The following LRRC74A variants were observed in gnomAD, a reference collection of about 807,000 sequenced individuals.
LRRC74A encodes leucine-rich repeat-containing protein 74A.
A neutral mutation model predicts 57.9 loss-of-function variants in LRRC74A; 44 were observed. The observed-to-expected ratio is 0.76, with a 90% CI of 0.60 to 0.98. The LOEUF is 0.98. Ranked by LOEUF, LRRC74A falls within the 50% of genes least tolerant of loss-of-function variation. The probability of loss-of-function intolerance (pLI) is 0.00; values close to 1 mark genes in which losing one functional copy is unlikely to be tolerated. For missense variants in LRRC74A, 572 were observed against 574.0 expected (o/e 1.00, Z 0.04); for synonymous variants, 211 against 219.4 (o/e 0.96, Z 0.34).
intron 13 of LRRC74A, among the ~76,000 whole-genome samples, chr14:76,869,507 C>G (rs1036551011): frequency 6.6e-6 from 1 of 151,992 alleles, no homozygotes; most frequent in Admixed American, 6.6e-5. Flanking sequence ...AATCCCAGCA[C>G]TTTGGGAGGC....
In LRRC74A at chr14:76,826,754, C is replaced by G; in HGVS notation, c.37+20C>G. On this transcript the variant is annotated intron_variant, in intron 1 of 13. Transcript: ENST00000689127. ...CAGAAGGTGAAAGGGCATCCCATCT[C>G]TCACCACTCAGGCCCGTCCCTGCTG... 1 of 1,467,832 alleles carries G rather than the reference C, an allele frequency of 6.8e-7. No individual in the cohort carries two copies. The highest frequency in any genetic ancestry group is 1.4e-5 in the African/African-American group (1 of 71,418). 90.9% of individuals were successfully genotyped at this position (1,467,832 alleles called of 1,614,324 possible).
chr14:76,833,702 C>G (rs774848083), intron 3 of LRRC74A, among the ~76,000 whole-genome samples: 1 of 152,080 alleles, frequency 6.6e-6, no homozygotes, highest in Non-Finnish European at 1.5e-5. Flanking sequence ...CTTGGCCTCT[C>G]AAAGTGCTGG....
chr14:76,867,668 C>G (rs559831111), intron 13 of LRRC74A, among the ~76,000 whole-genome samples: 2 of 152,290 alleles, frequency 1.3e-5, no homozygotes, highest in East Asian at 3.9e-4. Flanking sequence ...GGGCCGGATG[C>G]TGGGGATGCC....
At chr14:76,863,500 C>G (rs1025968925) in intron 11 of LRRC74A, among the ~76,000 whole-genome samples, 1 of 152,164 alleles carries the variant, frequency 6.6e-6, no homozygotes, top group African/African-American at 2.4e-5. Context: ...CCTACCCGTT[C>G]TCAGGTCTCT....
intron 9 of LRRC74A, among the ~76,000 whole-genome samples, chr14:76,856,881 G>A (rs1397268383): frequency 6.6e-6 from 1 of 151,668 alleles, no homozygotes; most frequent in African/African-American, 2.4e-5. Context: ...ATAGATGGTT[G>A]GGTGGATGAG....
chr14:76,867,222 GT>G, intron 12 of LRRC74A, 133 bp from the exon 13 acceptor site: 1 of 394,218 alleles, frequency 2.5e-6, no homozygotes, highest in African/African-American at 3.3e-5. Flanking sequence ...GTGTGTGTGT[GT>G]GGTAGTGTGT....
chr14:76,869,798 C>T (rs1241290405), intron 13 of LRRC74A, among the ~76,000 whole-genome samples: 2 of 151,826 alleles, frequency 1.3e-5, no homozygotes, highest in African/African-American at 2.4e-5. Context: ...AATTCTAAAC[C>T]CACAGAAGTA....
chr14:76,845,928 G>GAATC (rs1431470872), intron 7 of LRRC74A, among the ~76,000 whole-genome samples: 2 of 152,216 alleles, frequency 1.3e-5, no homozygotes, highest in African/African-American at 4.8e-5. Context: ...TGAGGCAGGA[G>GAATC]AATCACCTGA....
intron 7 of LRRC74A, among the ~76,000 whole-genome samples, chr14:76,848,628 G>A (rs1011747365): frequency 2.0e-5 from 3 of 152,186 alleles, no homozygotes; most frequent in Non-Finnish European, 4.4e-5. Flanking sequence ...AACCACAGAA[G>A]TTCTGCTGGG....
chr14:76,852,308 T>G, intron 7 of LRRC74A, 57 bp from the exon 8 acceptor site: 25 of 1,392,340 alleles, frequency 1.8e-5, no homozygotes, highest in Non-Finnish European at 2.4e-5. Context: ...CTGTTAACTC[T>G]GAGAATGGGT....
intron 13 of LRRC74A, among the ~76,000 whole-genome samples, chr14:76,868,093 T>C (rs752947583): frequency 6.6e-6 from 1 of 152,220 alleles, no homozygotes; most frequent in Non-Finnish European, 1.5e-5. Context: ...CTCTGCAGCC[T>C]CACGGTGCCC....
chr14:76,844,614 A>C, intron 6 of LRRC74A, 142 bp downstream of exon 6: 1 of 859,650 alleles, frequency 1.2e-6, no homozygotes, highest in Non-Finnish European at 1.9e-6. Flanking sequence ...GCCAACCCCA[A>C]CAAAGGCACA....
chr14:76,834,224 C>T (rs550656601), intron 3 of LRRC74A, among the ~76,000 whole-genome samples: 14 of 152,272 alleles, frequency 9.2e-5, no homozygotes, highest in Admixed American at 8.5e-4. Context: ...AGAACAAAGC[C>T]GTCTTGAGAT....
At chr14:76,850,861 A>AAAAAAAAAAAAAAAAAAAAAG (rs773711469) in intron 7 of LRRC74A, among the ~76,000 whole-genome samples, 5 of 96,530 alleles carry the variant, frequency 5.2e-5, no homozygotes, top group South Asian at 3.3e-4. Flanking sequence ...AAAAAAAAAA[A>AAAAAAAAAAAAAAAAAAAAAG]AAAGAAAGAA....
intron 7 of LRRC74A, among the ~76,000 whole-genome samples, chr14:76,845,150 C>T (rs1595366532): frequency 6.6e-6 from 1 of 152,068 alleles, no homozygotes; most frequent in South Asian, 2.1e-4. Flanking sequence ...ACAGGGACAC[C>T]CTGTCTCTAT....
In LRRC74A at chr14:76,837,470, G is replaced by C. The variant is rs1033956555; in HGVS notation, c.448-405G>C. On this transcript the variant is annotated intron_variant, in intron 4 of 13. Transcript: ENST00000689127. Reference sequence around the variant, plus strand: ...TTCATACTTCCCAAATCAATGAGTAGAATTTACAATGATTATGCACTCTAA... The same window carrying C: ...TTCATACTTCCCAAATCAATGAGTACAATTTACAATGATTATGCACTCTAA... Among the ~76,000 whole-genome samples the C allele has an allele frequency of 4.6e-5, 7 of 152,144 alleles. No homozygotes were observed. In the South Asian group the frequency reaches 6.2e-4, roughly 13 times the overall value.
rs925239120 is a variant in LRRC74A, at chr14:76,857,480, G to A, written c.1053+5G>A. 1 of 1,561,202 alleles carries A rather than the reference G, an allele frequency of 6.4e-7. No individual in the cohort carries two copies. Among genetic ancestry groups the A allele is most frequent in the African/African-American group, 1.4e-5 (1 of 73,706 alleles). On this transcript the variant is annotated splice_donor_5th_base_variant and intron_variant, in intron 10 of 13. Transcript: ENST00000689127. ...ATGGAAGAGCTTGATATTTCCGTAA[G>A]TGATCAAATGGTAGTTGCTTGCGTC... is the stretch of plus-strand genomic sequence containing the variant.
At chr14:76,831,063 G>A (rs539315523) in intron 2 of LRRC74A, 140 bp from the exon 3 acceptor site, 15 of 772,750 alleles carry the variant, frequency 1.9e-5, no homozygotes, top group South Asian at 1.7e-4. Context: ...CCAGACAGGA[G>A]CAGGCTTCTT....
At chr14:76,840,609 G>A (rs1896692924) in intron 5 of LRRC74A, among the ~76,000 whole-genome samples, 1 of 145,010 alleles carries the variant, frequency 6.9e-6, no homozygotes, top group Non-Finnish European at 1.5e-5. Context: ...TTTTGAGACG[G>A]AGTCTCACTG....
Sources: allele counts gnomAD v4.1 joint callset (sites outside exome capture counted in the v4.1 genomes callset), GRCh38; gene constraint gnomAD v4.1.1; transcripts MANE v1.5; gene names NCBI Gene and HGNC (gene_info 2026-07-23, HGNC 2026-07-21).